Variants in PPM1E observed in about 807,000 individuals in gnomAD.
The protein encoded by PPM1E is protein phosphatase 1E.
Under a neutral mutation model 65.9 loss-of-function variants are expected in PPM1E, and 20 were observed. The observed-to-expected ratio is 0.30, with a 90% CI of 0.21 to 0.44. The LOEUF (loss-of-function observed/expected upper bound fraction) is 0.44, where lower values mean the gene tolerates loss of function less well. Ranked by LOEUF, PPM1E falls within the 20% of genes least tolerant of loss-of-function variation. PPM1E has a pLI of 1.00. For synonymous variants in PPM1E, 352 were observed against 374.9 expected (o/e 0.94, Z 0.70); for missense variants, 713 against 953.1 (o/e 0.75, Z 3.32).
At chr17:58,856,113 T>G (rs1412264140) in intron 1 of PPM1E, among the ~76,000 whole-genome samples, 1 of 152,262 alleles carries the variant, frequency 6.6e-6, no homozygotes, top group South Asian at 2.1e-4. Flanking sequence ...ATTCAGCTAT[T>G]GCATTATCTA....
chr17:58,839,673 T>C (rs1408347347), intron 1 of PPM1E, among the ~76,000 whole-genome samples: 1 of 152,028 alleles, frequency 6.6e-6, no homozygotes, highest in Non-Finnish European at 1.5e-5. Flanking sequence ...AGTGGAAATT[T>C]TATGTACACT....
chr17:58,785,687 C>CA, intron 1 of PPM1E: 1 of 151,748 alleles, frequency 6.6e-6, no homozygotes, highest in South Asian at 2.1e-4. Context: ...ACGACCCCCC[C>CA]AGTCTTAGGG....
At chr17:58,815,767 A>G (rs1186434709) in intron 1 of PPM1E, among the ~76,000 whole-genome samples, 1 of 152,160 alleles carries the variant, frequency 6.6e-6, no homozygotes, top group Non-Finnish European at 1.5e-5. Context: ...TTATTGTGAG[A>G]AGATTATGAT....
intron 1 of PPM1E, among the ~76,000 whole-genome samples, chr17:58,955,122 T>C (rs963074619): frequency 6.6e-6 from 1 of 152,146 alleles, no homozygotes; most frequent in Non-Finnish European, 1.5e-5. Context: ...CCCAGCACTT[T>C]GGGAGGCCAA....
chr17:58,806,634 G>C (rs1000121081), intron 1 of PPM1E, among the ~76,000 whole-genome samples: 1 of 151,910 alleles, frequency 6.6e-6, no homozygotes, highest in African/African-American at 2.4e-5. Flanking sequence ...TGAGGTGGAA[G>C]GAATATGAAA....
At chr17:58,963,959 G>A (rs1428631866) in intron 2 of PPM1E, among the ~76,000 whole-genome samples, 2 of 152,100 alleles carry the variant, frequency 1.3e-5, no homozygotes, top group Non-Finnish European at 2.9e-5. Flanking sequence ...CTATGTTAAT[G>A]AGGAAAAAAA....
chr17:58,766,447 G>C (rs1311673919), intron 1 of PPM1E, among the ~76,000 whole-genome samples: 1 of 147,048 alleles, frequency 6.8e-6, no homozygotes, highest in Admixed American at 6.8e-5. Flanking sequence ...TGTTCTGTCC[G>C]CCTCAGCCTC....
At chr17:58,825,856 C>T (rs530683766) in intron 1 of PPM1E, among the ~76,000 whole-genome samples, 1 of 152,124 alleles carries the variant, frequency 6.6e-6, no homozygotes, top group African/African-American at 2.4e-5. Context: ...AGGCATGAGC[C>T]ACCGCACGCA....
At chr17:58,894,331 A>C (rs2051385561) in intron 1 of PPM1E, among the ~76,000 whole-genome samples, 1 of 152,124 alleles carries the variant, frequency 6.6e-6, no homozygotes. Flanking sequence ...TTCAAGAGGC[A>C]AATTTAATAA....
chr17:58,936,701 A>T (rs888774759), intron 1 of PPM1E, among the ~76,000 whole-genome samples: 1 of 152,218 alleles, frequency 6.6e-6, no homozygotes, highest in African/African-American at 2.4e-5. Flanking sequence ...TATTGTCTTA[A>T]TATGCATGTG....
intron 1 of PPM1E, among the ~76,000 whole-genome samples, chr17:58,831,004 C>CT (rs11448582): frequency 0.58 from 78,381 of 135,712 alleles, 22,047 homozygotes; most frequent in Middle Eastern, 0.62. Context: ...CTTACTTTAT[C>CT]TTTTTTTTTT....
intron 1 of PPM1E, among the ~76,000 whole-genome samples, chr17:58,800,182 G>T (rs1192243040): frequency 6.6e-6 from 1 of 151,568 alleles, no homozygotes; most frequent in Admixed American, 6.6e-5. Context: ...ATGACTATAT[G>T]ATTTTTGTCC....
chr17:58,797,828 C>T (rs1294731017), intron 1 of PPM1E, among the ~76,000 whole-genome samples: 6 of 152,054 alleles, frequency 3.9e-5, no homozygotes, highest in East Asian at 1.9e-4. Context: ...TATGTGGCCA[C>T]GAAAAATGTA....
chr17:58,941,415 C>T (rs2045180695), intron 1 of PPM1E, among the ~76,000 whole-genome samples: 1 of 152,088 alleles, frequency 6.6e-6, no homozygotes, highest in African/African-American at 2.4e-5. Flanking sequence ...GCTGGTCATG[C>T]TGGGTGCAGT....
intron 1 of PPM1E, among the ~76,000 whole-genome samples, chr17:58,816,173 G>A (rs928873991): frequency 4.0e-5 from 6 of 151,674 alleles, no homozygotes; most frequent in African/African-American, 4.8e-5. Context: ...CTACAGGTGC[G>A]TGCCACCACG....
intron 1 of PPM1E, among the ~76,000 whole-genome samples, chr17:58,865,339 T>TCGTGC (rs953555234): frequency 2.9e-4 from 43 of 150,512 alleles, no homozygotes; most frequent in African/African-American, 1.0e-3. Flanking sequence ...GTGAGCAAGA[T>TCGTGC]CGTGCCACTG....
At chr17:58,972,339 G>A in intron 5 of PPM1E, 64 bp downstream of exon 5, 5 of 1,512,414 alleles carry the variant, frequency 3.3e-6, no homozygotes, top group Non-Finnish European at 4.5e-6. Flanking sequence ...TCTAGTTATT[G>A]ATTAGGATTC....
chr17:58,860,468 ATCT>A (rs1264443067), intron 1 of PPM1E, among the ~76,000 whole-genome samples: 1 of 152,166 alleles, frequency 6.6e-6, no homozygotes, highest in Non-Finnish European at 1.5e-5. Context: ...TGGGCCATGT[ATCT>A]TCAGTTTGCT....
intron 1 of PPM1E, among the ~76,000 whole-genome samples, chr17:58,776,723 T>C (rs1162809648): frequency 6.6e-6 from 1 of 152,238 alleles, no homozygotes; most frequent in Non-Finnish European, 1.5e-5. Context: ...GGGCTATGTT[T>C]TAATATGTAA....
Sources: allele counts gnomAD v4.1 joint callset (sites outside exome capture counted in the v4.1 genomes callset), GRCh38; gene constraint gnomAD v4.1.1; transcripts MANE v1.5; gene names NCBI Gene and HGNC (gene_info 2026-07-23, HGNC 2026-07-21).